TSC22D2: variants seen among roughly 807,000 people sequenced by gnomAD.
TSC22D2 encodes TSC22 domain family member 2.
A neutral mutation model predicts 50.1 loss-of-function variants in TSC22D2; 5 were observed. The observed-to-expected ratio is 0.10, with a 90% confidence interval of 0.05 to 0.21. TSC22D2 has a LOEUF of 0.21. TSC22D2 is among the 10% of genes least tolerant of loss of function. The pLI is 1.00. For synonymous variants in TSC22D2, 501 were observed against 450.1 expected (o/e 1.11, Z -1.43); for missense variants, 1,003 against 1,015.5 (o/e 0.99, Z 0.17).
At chr3:150,450,482 A>G (rs1301811451) in intron 1 of TSC22D2, among the ~76,000 whole-genome samples, 1 of 152,022 alleles carries the variant, frequency 6.6e-6, no homozygotes, top group Non-Finnish European at 1.5e-5. Flanking sequence ...GAAATTAAAC[A>G]TTATTTGTTT....
chr3:150,459,572 G>GTTTTTTTTTTTTGTTT lies in TSC22D2; in HGVS notation c.*948_*949insGTTTTTTTTTTTTTTT, dbSNP rs1721310932. 7 of 115,556 alleles carry GTTTTTTTTTTTTGTTT rather than the reference G, an allele frequency of 6.1e-5. No homozygotes were observed. Among genetic ancestry groups the GTTTTTTTTTTTTGTTT allele is most frequent in the East Asian group, 2.7e-4 (1 of 3,656 alleles). 7.2% of individuals were successfully genotyped at this position (115,556 alleles called of 1,614,324 possible). On this transcript the variant is annotated 3_prime_UTR_variant, in exon 3 of 3. Coordinates refer to ENST00000688009, the MANE Select transcript of TSC22D2 (RefSeq NM_001303264.2). Reference sequence around the variant, plus strand: ...TAATGGAGTTTGGTTTTTTTTTGTTGTTTTTTTTTTTTTGTCTTTTTTTTT... The same window carrying GTTTTTTTTTTTTGTTT: ...TAATGGAGTTTGGTTTTTTTTTGTTGTTTTTTTTTTTTGTTTTTTTTTTTTTTTTGTCTTTTTTTTT...
intron 1 of TSC22D2, among the ~76,000 whole-genome samples, chr3:150,435,547 AC>A (rs1405609324): frequency 3.3e-5 from 5 of 152,150 alleles, no homozygotes; most frequent in African/African-American, 1.2e-4. Flanking sequence ...AATGTAGTGA[AC>A]TTTTTTGAAC....
At chr3:150,455,158 C>T (rs1049755778) in intron 1 of TSC22D2, among the ~76,000 whole-genome samples, 1 of 152,174 alleles carries the variant, frequency 6.6e-6, no homozygotes, top group African/African-American at 2.4e-5. Context: ...AAAGTATAAT[C>T]TGGGATTCCC....
At chr3:150,431,223 T>TAAAAA (rs1720368506) in intron 1 of TSC22D2, among the ~76,000 whole-genome samples, 1 of 17,682 alleles carries the variant, frequency 5.7e-5, no homozygotes. Context: ...AGGCTCTGTC[T>TAAAAA]CAAAAAAAAA....
At chr3:150,416,535 T>C (rs1352573144) in intron 1 of TSC22D2, among the ~76,000 whole-genome samples, 1 of 152,180 alleles carries the variant, frequency 6.6e-6, no homozygotes. Flanking sequence ...TGGTATTGTA[T>C]TGAGTCCACA....
rs1332497422 is a variant in TSC22D2, at chr3:150,465,899, A to G, written c.*7263A>G. 6.6e-6 allele frequency: 1 copy of G among 152,128 alleles called. No individual in the cohort carries two copies. The highest frequency in any genetic ancestry group is 1.5e-5 in the Non-Finnish European group (1 of 68,014). The allele number at this position is 152,128 out of a possible 1,614,324, so 9.4% of individuals were successfully genotyped here. On this transcript the variant is annotated 3_prime_UTR_variant, in exon 3 of 3. Transcript: ENST00000688009. The stretch of plus-strand genomic sequence containing the variant: ...TTCTATTATCAGATCATAAAAAAAC[A>G]TAGTACATAGAGGGTTTGGTATTAT...
chr3:150,450,852 A>T (rs1013913259), intron 1 of TSC22D2, among the ~76,000 whole-genome samples: 18 of 152,268 alleles, frequency 1.2e-4, no homozygotes, highest in African/African-American at 4.1e-4. Flanking sequence ...CATTTGTTAG[A>T]GAATAGGCAA....
chr3:150,438,137 C>T, intron 1 of TSC22D2: 1 of 315,144 alleles, frequency 3.2e-6, no homozygotes, highest in South Asian at 2.6e-5. Flanking sequence ...TAAAATTTTG[C>T]TATAAAAGAT....
At position 150,410,323 on chromosome 3, in the gene TSC22D2, CCGCCGA is replaced by C; in HGVS notation, c.976_981del (p.Pro326_Thr327del). 6.3e-7 allele frequency: 1 copy of C among 1,577,356 alleles called. No homozygotes were observed. On this transcript the variant is annotated inframe_deletion, in exon 1 of 3. Transcript: ENST00000688009. Reference sequence around the variant, plus strand: ...AGCGGGGCCCGGGGGACAGACTCTGCCGCCGACGAATGTAACCCTGGCGCAGCCGGC... The same window carrying C: ...AGCGGGGCCCGGGGGACAGACTCTGCCGAATGTAACCCTGGCGCAGCCGGC...
chr3:150,464,919 T>C lies in TSC22D2; in HGVS notation c.*6283T>C, dbSNP rs1234644741. 1 of 152,214 alleles carries C rather than the reference T, an allele frequency of 6.6e-6. No homozygotes were observed. The highest frequency in any genetic ancestry group is 2.4e-5 in the African/African-American group (1 of 41,458). 9.4% of individuals were successfully genotyped at this position (152,214 alleles called of 1,614,324 possible). A position where few individuals can be genotyped will look rare whatever the true frequency, so the allele number is the denominator to read the frequency against. On this transcript the variant is annotated 3_prime_UTR_variant, in exon 3 of 3. Coordinates refer to ENST00000688009, the MANE Select transcript of TSC22D2 (RefSeq NM_001303264.2). ...CATGTGTCATGAATTATATTGTCTATTGTCTCATAAGCAACAAGTGACACT... is the reference window on the plus strand; with the variant it reads ...CATGTGTCATGAATTATATTGTCTACTGTCTCATAAGCAACAAGTGACACT...
In TSC22D2 at chr3:150,457,134, A is replaced by G. The variant is rs201536047; in HGVS notation, c.2010+7A>G. On this transcript the variant is annotated splice_region_variant and intron_variant, in intron 2 of 2. Transcript: ENST00000688009. ...CAAAATAGAACAAGCAATGGTAAGT[A>G]AAAGTTTACAGTTCTCCCATTTCAT... 2 of 1,610,622 alleles carry G rather than the reference A, an allele frequency of 1.2e-6. No homozygotes were observed. Among genetic ancestry groups the G allele is most frequent in the Admixed American group, 3.4e-5 (2 of 59,590 alleles).
chr3:150,427,832 T>C (rs1720242531), intron 1 of TSC22D2, among the ~76,000 whole-genome samples: 1 of 151,984 alleles, frequency 6.6e-6, no homozygotes, highest in African/African-American at 2.4e-5. Flanking sequence ...CCTTCCTTCC[T>C]TTTATTTTAC....
rs1271160929 is a variant in TSC22D2 at position 150,458,715 on chromosome 3, C to T, written c.*79C>T. The T allele has an allele frequency of 2.1e-5, 32 of 1,548,588 alleles. No individual in the cohort carries two copies. The highest frequency in any genetic ancestry group is 4.5e-5 in the East Asian group (2 of 44,330). On this transcript the variant is annotated 3_prime_UTR_variant, in exon 3 of 3. Transcript: ENST00000688009. ...CCACTGGTGTTCTTTCCACTTTATACGAAAGCAAGTAGCCATGCTTTGGTT... is the reference window on the plus strand; with the variant it reads ...CCACTGGTGTTCTTTCCACTTTATATGAAAGCAAGTAGCCATGCTTTGGTT...
At chr3:150,443,733 C>G (rs752774994) in intron 1 of TSC22D2, among the ~76,000 whole-genome samples, 6 of 152,082 alleles carry the variant, frequency 3.9e-5, no homozygotes, top group Admixed American at 6.5e-5. Context: ...AATTTTGATT[C>G]AGTAGAGAGT....
In TSC22D2 at chr3:150,409,062, G is replaced by T; in HGVS notation, c.-289G>T. On this transcript the variant is annotated 5_prime_UTR_variant, in exon 1 of 3. Transcript: ENST00000688009. The surrounding 1 kb of genome is among the most constrained non-coding windows in gnomAD (Gnocchi z 7.4). ...GTTCGCGCTCTCGCCGCCTCTGAGGGAATTGAATTGAGGCGCCGCGGCTGC... is the reference window on the plus strand; with the variant it reads ...GTTCGCGCTCTCGCCGCCTCTGAGGTAATTGAATTGAGGCGCCGCGGCTGC... The T allele has an allele frequency of 3.2e-6, 1 of 308,630 alleles. No homozygotes were observed. Among genetic ancestry groups the T allele is most frequent in the Non-Finnish European group, 6.1e-6 (1 of 164,856 alleles). The allele number at this position is 308,630 out of a possible 1,614,324, so 19.1% of individuals were successfully genotyped here. A position where few individuals can be genotyped will look rare whatever the true frequency, so the allele number is the denominator to read the frequency against.
chr3:150,450,697 T>G (rs1721013018), intron 1 of TSC22D2, among the ~76,000 whole-genome samples: 1 of 152,152 alleles, frequency 6.6e-6, no homozygotes, highest in Non-Finnish European at 1.5e-5. Context: ...TAAATATTTT[T>G]TAGTCTCCTC....
intron 1 of TSC22D2, among the ~76,000 whole-genome samples, chr3:150,436,186 C>G (rs1224673206): frequency 6.6e-6 from 1 of 152,122 alleles, no homozygotes; most frequent in African/African-American, 2.4e-5. Context: ...GTATACAGCT[C>G]TAAAGTCCTG....
chr3:150,437,685 G>A (rs1422938805), intron 1 of TSC22D2, among the ~76,000 whole-genome samples: 3 of 151,986 alleles, frequency 2.0e-5, no homozygotes, highest in Non-Finnish European at 4.4e-5. Context: ...GCACGTGCCT[G>A]TAATCCCACC....
At position 150,443,168 on chromosome 3, in the gene TSC22D2, T is replaced by C. The variant is rs546016687; in HGVS notation, c.1959-13908T>C. On this transcript the variant is annotated intron_variant, in intron 1 of 2. Transcript: ENST00000688009. ...GCCTCTGAATACCTCCAGTGATGTC[T>C]TACTTTTGCATCCTGGTCTCTTTTT... Among the ~76,000 whole-genome samples, 4 of 152,328 alleles carry C rather than the reference T, an allele frequency of 2.6e-5. No homozygotes were observed. The South Asian group carries it at 8.3e-4, about 32-fold the overall frequency.
Sources: allele counts gnomAD v4.1 joint callset (sites outside exome capture counted in the v4.1 genomes callset), GRCh38; gene constraint gnomAD v4.1.1; non-coding constraint Gnocchi (gnomAD v3.1); transcripts MANE v1.5; gene names NCBI Gene and HGNC (gene_info 2026-07-23, HGNC 2026-07-21).